The following IL31RA variants were observed in gnomAD, a reference collection of about 807,000 sequenced individuals.
IL31RA encodes interleukin 31 receptor A.
IL31RA carries 66 observed loss-of-function variants against 83.7 expected under a neutral mutation model. The ratio of observed to expected loss-of-function variants is 0.79; its 90% confidence interval spans 0.65 to 0.97. The LOEUF is 0.97. Among genes scored for constraint, IL31RA ranks in the 50% least tolerant of loss-of-function variants. IL31RA has a pLI of 0.00. For missense variants in IL31RA, 798 were observed against 919.4 expected (o/e 0.87, Z 1.71); for synonymous variants, 325 against 329.0 (o/e 0.99, Z 0.13).
intron 3 of IL31RA, among the ~76,000 whole-genome samples, chr5:55,870,230 T>C (rs918797677): frequency 4.6e-5 from 7 of 152,256 alleles, no homozygotes; most frequent in African/African-American, 1.7e-4. Flanking sequence ...GAAATGTGAA[T>C]ATTATATAAT....
At chr5:55,898,261 G>A (rs1387694868) in intron 7 of IL31RA, among the ~76,000 whole-genome samples, 1 of 152,176 alleles carries the variant, frequency 6.6e-6, no homozygotes, top group Admixed American at 6.5e-5. Flanking sequence ...AGAGAAGATG[G>A]ATTTCAGTGC....
chr5:55,916,805 G>C lies in IL31RA; in HGVS notation c.1980G>C (p.Gln660His). ...EIFTDEARTG[Q>H]ENNLGGEKNG... Reference sequence around the variant, plus strand: ...TCACAGATGAAGCCAGAACGGGTCAGGAAAACAATTTAGGAGGGGAAAAGA... The same window carrying C: ...TCACAGATGAAGCCAGAACGGGTCACGAAAACAATTTAGGAGGGGAAAAGA... The change falls in exon 15 of 15, where the codon CAG (glutamine) becomes CAC (histidine). Residue 660 changes from glutamine to histidine, a missense_variant. Physicochemically the swap from Gln to His is conservative, Grantham distance 24. Transcript: ENST00000652347. 6.2e-7 allele frequency: 1 copy of C among 1,614,188 alleles called. No homozygotes were observed. Among genetic ancestry groups the C allele is most frequent in the Non-Finnish European group, 8.5e-7 (1 of 1,180,044 alleles).
chr5:55,893,844 C>T (rs1216437202), intron 6 of IL31RA, among the ~76,000 whole-genome samples: 1 of 141,658 alleles, frequency 7.1e-6, no homozygotes, highest in African/African-American at 2.7e-5. Context: ...CGGGGTCTCA[C>T]TCTGTCACCC....
chr5:55,885,272 C>T (rs1324156936), intron 5 of IL31RA, among the ~76,000 whole-genome samples: 1 of 152,130 alleles, frequency 6.6e-6, no homozygotes, highest in Non-Finnish European at 1.5e-5. Flanking sequence ...CATTATTTGT[C>T]CTATTGTTGC....
the IL31RA span, among the ~76,000 whole-genome samples, chr5:55,844,105 A>G: frequency 6.6e-6 from 1 of 152,124 alleles, no homozygotes; most frequent in East Asian, 1.9e-4. Flanking sequence ...GGGAAAATAA[A>G]CCACCTTTCC....
Position 55,882,185 on chromosome 5 carries a change from G to A in IL31RA, c.455-859G>A, listed in dbSNP as rs142503940. On this transcript the variant is annotated intron_variant, in intron 4 of 14. Coordinates refer to ENST00000652347, the MANE Select transcript of IL31RA (RefSeq NM_139017.7). Reference sequence around the variant, plus strand: ...CCTGACTTTCCTGGTGGGGTGTAGGGGGAGCCCTCTCCTGTCCTTCTCATG... The same window carrying A: ...CCTGACTTTCCTGGTGGGGTGTAGGAGGAGCCCTCTCCTGTCCTTCTCATG... 1.4e-4 allele frequency among the ~76,000 whole-genome samples: 21 copies of A among 152,270 alleles called. No homozygotes were observed. In the East Asian group the frequency reaches 4.1e-3, roughly 29 times the overall value.
rs1749827071 is a variant in IL31RA, at chr5:55,916,976, G to A, written c.2151G>A (p.Glu717=). The change falls in exon 15 of 15, where the codon GAG becomes GAA. Residue 717 remains glutamate, a synonymous_variant. Coordinates refer to ENST00000652347, the MANE Select transcript of IL31RA (RefSeq NM_139017.7). ...AGGGGACCCGCCCAGAAGCCAAAGA[G>A]CAGCTTCTCTTTTCTGGTCAAAGTT... ...MPEGTRPEAK[E]QLLFSGQSLV... The A allele has an allele frequency of 6.2e-6, 10 of 1,614,062 alleles. No individual in the cohort carries two copies. Among genetic ancestry groups the A allele is most frequent in the Non-Finnish European group, 8.5e-6 (10 of 1,179,970 alleles).
chr5:55,859,104 T>A (rs1309590023), intron 1 of IL31RA, among the ~76,000 whole-genome samples: 1 of 152,188 alleles, frequency 6.6e-6, no homozygotes, highest in Non-Finnish European at 1.5e-5. Flanking sequence ...ACTGTGGGCA[T>A]GCATAGAGCA....
intron 5 of IL31RA, among the ~76,000 whole-genome samples, chr5:55,886,268 C>CTTGCTTTTTTTTTTTTTTTTTTTTT (rs1235138364): frequency 5.6e-5 from 4 of 71,502 alleles, no homozygotes; most frequent in African/African-American, 1.5e-4. Flanking sequence ...TGCTTGCTTG[C>CTTGCTTTTTTTTTTTTTTTTTTTTT]TTTTTTTTTT....
chr5:55,905,628 A>C (rs554724222), intron 8 of IL31RA, among the ~76,000 whole-genome samples: 1 of 152,310 alleles, frequency 6.6e-6, no homozygotes, highest in South Asian at 2.1e-4. Context: ...TGCCTTGAGG[A>C]TAGGAATTCA....
intron 8 of IL31RA, among the ~76,000 whole-genome samples, chr5:55,904,961 C>G (rs1046627475): frequency 4.0e-5 from 6 of 151,128 alleles, no homozygotes; most frequent in Admixed American, 2.6e-4. Flanking sequence ...TTTGGGAGAC[C>G]GACTGAGCTG....
intron 1 of IL31RA, among the ~76,000 whole-genome samples, chr5:55,851,987 A>G (rs923881035): frequency 5.9e-5 from 9 of 152,124 alleles, no homozygotes; most frequent in Non-Finnish European, 1.2e-4. Flanking sequence ...AGATAAATGT[A>G]TATGCTCAAT....
intron 8 of IL31RA, among the ~76,000 whole-genome samples, chr5:55,904,125 T>C (rs1337350103): frequency 6.6e-6 from 1 of 152,210 alleles, no homozygotes; most frequent in East Asian, 1.9e-4. Context: ...ACTAATTACA[T>C]CTGCAATGGC....
At chr5:55,879,579 C>T (rs557310795) in intron 4 of IL31RA, among the ~76,000 whole-genome samples, 25 of 151,398 alleles carry the variant, frequency 1.7e-4, no homozygotes, top group Admixed American at 5.9e-4. Flanking sequence ...ACTACAGGCA[C>T]GCACCACCAT....
chr5:55,899,874 T>G, intron 7 of IL31RA, 42 bp from the exon 8 acceptor site: 1 of 1,453,696 alleles, frequency 6.9e-7, no homozygotes, highest in Non-Finnish European at 9.7e-7. Context: ...GCCTTTCTTT[T>G]TCTTTGTTAT....
At chr5:55,881,863 C>T (rs185437453) in intron 4 of IL31RA, among the ~76,000 whole-genome samples, 171 of 151,870 alleles carry the variant, frequency 1.1e-3, no homozygotes, top group African/African-American at 3.8e-3. Context: ...TTGGCGCCCG[C>T]CACCATGCCC....
chr5:55,897,974 C>T (rs1473588557), intron 7 of IL31RA, among the ~76,000 whole-genome samples: 1 of 152,214 alleles, frequency 6.6e-6, no homozygotes, highest in Admixed American at 6.5e-5. Flanking sequence ...GTTGGAGGCT[C>T]CCGCACCATC....
chr5:55,851,750 C>A, intron 1 of IL31RA, 117 bp downstream of exon 1: 1 of 1,598,316 alleles, frequency 6.3e-7, no homozygotes, highest in South Asian at 1.1e-5. Flanking sequence ...AATCCTGAGC[C>A]GTATGAGATT....
At chr5:55,895,122 C>A (rs897096496) in intron 6 of IL31RA, among the ~76,000 whole-genome samples, 1 of 152,224 alleles carries the variant, frequency 6.6e-6, no homozygotes, top group African/African-American at 2.4e-5. Flanking sequence ...GTGGTAGACT[C>A]ATTCTTTGTG....
Sources: gnomAD v4.1 joint callset for allele counts (sites outside exome capture counted in the v4.1 genomes callset) on GRCh38, gnomAD v4.1.1 for gene constraint, MANE v1.5 for transcripts, NCBI Gene and HGNC (gene_info 2026-07-23, HGNC 2026-07-21) for gene names.